POLR3A: variants seen among roughly 807,000 people sequenced by gnomAD.
POLR3A encodes DNA-directed RNA polymerase III subunit RPC1.
A neutral mutation model predicts 152.8 loss-of-function variants in POLR3A; 112 were observed. The ratio of observed to expected loss-of-function variants is 0.73; its 90% CI spans 0.63 to 0.86. POLR3A has a LOEUF of 0.86. POLR3A is among the 40% of genes least tolerant of loss of function. The pLI, the probability that POLR3A is intolerant of heterozygous loss-of-function variation, is 0.00. For missense variants in POLR3A, 1,385 were observed against 1,743.1 expected (o/e 0.79, Z 3.66); for synonymous variants, 615 against 652.1 (o/e 0.94, Z 0.87).
Position 77,975,537 on chromosome 10 carries a change from C to T in POLR3A, c.*1941G>A, listed in dbSNP as rs1440818146. Reference sequence around the variant, plus strand: ...CTCAAGTGCTATACGCTGATTCGCACCCATCACAATCACACACGTCTCACA... The same window carrying T: ...CTCAAGTGCTATACGCTGATTCGCATCCATCACAATCACACACGTCTCACA... On this transcript the variant is annotated 3_prime_UTR_variant, in exon 31 of 31. Transcript: ENST00000372371. 1 of 152,384 alleles carries T rather than the reference C, an allele frequency of 6.6e-6. No homozygotes were observed. Among genetic ancestry groups the T allele is most frequent in the Non-Finnish European group, 1.5e-5 (1 of 68,098 alleles). 9.4% of individuals were successfully genotyped at this position (152,384 alleles called of 1,614,324 possible). A position where few individuals can be genotyped will look rare whatever the true frequency, so the allele number is the denominator to read the frequency against.
rs767735811 is a variant in POLR3A, at chr10:77,977,530, T to C, written c.4121A>G (p.Lys1374Arg). ...ATTTGTGTCGAAGATCAGGGGCCTC[T>C]TGGGAGGGTTCGGGTCCCTGTCAGC... ...HKADRDPNPP[K>R]RPLIFDTNEF... The change falls in exon 31 of 31, where the codon AAG becomes AGG. Residue 1374 changes from lysine to arginine, a missense_variant. Around this residue, in one of 7 missense-constraint regions of POLR3A, gnomAD observed 332 missense variants for 400.1 expected, o/e 0.83. Coordinates refer to ENST00000372371, the MANE Select transcript of POLR3A (RefSeq NM_007055.4). 6.2e-7 allele frequency: 1 copy of C among 1,614,110 alleles called. No homozygotes were observed. Among genetic ancestry groups the C allele is most frequent in the South Asian group, 1.1e-5 (1 of 91,070 alleles).
At chr10:77,980,306 TCACA>T (rs781587324) in intron 29 of POLR3A, 33 bp from the exon 30 acceptor site, 2 of 1,611,570 alleles carry the variant, frequency 1.2e-6, no homozygotes, top group African/African-American at 1.3e-5. Context: ...ACGGTGGTAC[TCACA>T]CCAATGGCAA....
At chr10:78,000,150 CA>C (rs1341106684) in intron 18 of POLR3A, 32 bp from the exon 19 acceptor site, 1 of 1,611,184 alleles carries the variant, frequency 6.2e-7, no homozygotes, top group Non-Finnish European at 8.5e-7. Context: ...AAAAATCAAA[CA>C]AAAAAAGTTC....
intron 15 of POLR3A, among the ~76,000 whole-genome samples, chr10:78,005,474 T>C (rs1467025725): frequency 6.6e-6 from 1 of 152,162 alleles, no homozygotes; most frequent in Non-Finnish European, 1.5e-5. Flanking sequence ...TTCTCCAACT[T>C]TGATGGAACT....
intron 10 of POLR3A, among the ~76,000 whole-genome samples, chr10:78,015,920 C>A (rs1311636877): frequency 6.6e-6 from 1 of 152,174 alleles, no homozygotes. Context: ...CAATCATAAT[C>A]CCATAATCAC....
chr10:77,977,462 C>G lies in POLR3A; in HGVS notation c.*16G>C, dbSNP rs1186194596. 6.2e-7 allele frequency: 1 copy of G among 1,613,490 alleles called. No individual in the cohort carries two copies. Among genetic ancestry groups the G allele is most frequent in the South Asian group, 1.1e-5 (1 of 91,052 alleles). ...ACAAGGAGTCAAGGTCAGGCATGGT[C>G]CCCTCTTTCTTTGGACTATGTGACA... On this transcript the variant is annotated 3_prime_UTR_variant, in exon 31 of 31. Coordinates refer to ENST00000372371, the MANE Select transcript of POLR3A (RefSeq NM_007055.4).
intron 21 of POLR3A, 72 bp downstream of exon 21, chr10:77,990,982 C>G (rs776838753): frequency 3.5e-6 from 3 of 847,560 alleles, no homozygotes; most frequent in Non-Finnish European, 6.0e-6. Flanking sequence ...AATCCACTTG[C>G]CAGCCCTTGG....
rs765771574 is a variant in POLR3A at position 78,025,056 on chromosome 10, G to C, written c.405C>G (p.Thr135=). 1 of 1,614,158 alleles carries C rather than the reference G, an allele frequency of 6.2e-7. No homozygotes were observed. Among genetic ancestry groups the C allele is most frequent in the South Asian group, 1.1e-5 (1 of 91,082 alleles). ...TTTTCAGTCCTCGCTTCTGAAGGTAGGTCAGGCCGGGCCTCTTTAGATAGT... is the reference window on the plus strand; with the variant it reads ...TTTTCAGTCCTCGCTTCTGAAGGTACGTCAGGCCGGGCCTCTTTAGATAGT... ...FLDYLKRPGL[T]YLQKRGLKKK... Residue 135 remains threonine (T), a synonymous_variant, in exon 4 of 31, where the codon ACC becomes ACG. Transcript: ENST00000372371.
At chr10:78,023,248 G>T (rs1479409938) in intron 5 of POLR3A, among the ~76,000 whole-genome samples, 1 of 151,674 alleles carries the variant, frequency 6.6e-6, no homozygotes, top group Non-Finnish European at 1.5e-5. Context: ...GTCACCTGAG[G>T]TCAGGAGTTC....
At chr10:78,002,173 C>T (rs1328638809) in intron 17 of POLR3A, 24 bp downstream of exon 17, 37 of 1,439,434 alleles carry the variant, frequency 2.6e-5, no homozygotes, top group Non-Finnish European at 3.3e-5. Flanking sequence ...ACACTGCCAG[C>T]AGGTGAGAGA....
rs571199042 is a variant in POLR3A at position 77,980,389 on chromosome 10, G to A, written c.3892-116C>T. ...AAAATCCTCCAAGACCCAACGTCAG[G>A]TGTGAAAGGCCCTGAGGAGCTATGG... On this transcript the variant is annotated intron_variant, in intron 29 of 30. Coordinates refer to ENST00000372371, the MANE Select transcript of POLR3A (RefSeq NM_007055.4). The A allele has an allele frequency of 7.1e-5, 68 of 961,078 alleles. No homozygotes were observed. The South Asian group carries it at 9.0e-4, about 13-fold the overall frequency. 59.5% of individuals were successfully genotyped at this position (961,078 alleles called of 1,614,324 possible). A position where few individuals can be genotyped will look rare whatever the true frequency, so the allele number is the denominator to read the frequency against.
rs779435710 is a variant in POLR3A at position 78,000,141 on chromosome 10, A to G, written c.2479-23T>C. 4.3e-6 allele frequency: 7 copies of G among 1,613,036 alleles called. 1 individual carries two copies. In the South Asian group the frequency reaches 6.6e-5, roughly 15 times the overall value. ...GAGCTAAAGAGAGGTAGAAAAAAGA[A>G]AAATCAAACAAAAAAAGTTCAAGGC... is the stretch of plus-strand genomic sequence containing the variant. On this transcript the variant is annotated intron_variant, in intron 18 of 30. Transcript: ENST00000372371.
At chr10:78,018,218 C>T (rs1847544126) in intron 9 of POLR3A, among the ~76,000 whole-genome samples, 1 of 149,642 alleles carries the variant, frequency 6.7e-6, no homozygotes, top group Non-Finnish European at 1.5e-5. Context: ...AAGATATATC[C>T]AGTCGGATGT....
At chr10:77,984,353 G>T (rs1847177550) in intron 24 of POLR3A, 55 bp from the exon 25 acceptor site, 1 of 1,013,426 alleles carries the variant, frequency 9.9e-7, no homozygotes, top group Middle Eastern at 2.0e-4. Flanking sequence ...GCTGTTTGAG[G>T]ACTACTGCTT....
At chr10:78,013,448 A>G (rs1564621047) in intron 11 of POLR3A, 2 of 616,558 alleles carry the variant, frequency 3.2e-6, no homozygotes, top group Non-Finnish European at 5.7e-6. Flanking sequence ...TCATGTATAT[A>G]CTATAATTTC....
At chr10:78,020,864 G>T (rs1847572840) in intron 8 of POLR3A, among the ~76,000 whole-genome samples, 1 of 152,182 alleles carries the variant, frequency 6.6e-6, no homozygotes, top group East Asian at 1.9e-4. Context: ...TTGACTCAGT[G>T]ACTGTAAAGT....
At chr10:78,022,509 T>A in intron 5 of POLR3A, 125 bp from the exon 6 acceptor site, 1 of 1,006,414 alleles carries the variant, frequency 9.9e-7, no homozygotes, top group Non-Finnish European at 1.5e-6. Flanking sequence ...CAGAGATTTC[T>A]ATGGATGATA....
intron 25 of POLR3A, 24 bp from the exon 26 acceptor site, chr10:77,984,036 GT>G (rs1167278469): frequency 6.6e-7 from 1 of 1,519,484 alleles, no homozygotes; most frequent in Non-Finnish European, 9.1e-7. Flanking sequence ...AGATCAGACT[GT>G]TAATCAGCCG....
At chr10:78,018,786 A>T (rs1290348765) in intron 9 of POLR3A, among the ~76,000 whole-genome samples, 1 of 152,076 alleles carries the variant, frequency 6.6e-6, no homozygotes, top group Non-Finnish European at 1.5e-5. Flanking sequence ...TTTCTTTGCC[A>T]TATTGGCCAG....
Sources: gnomAD v4.1 joint callset for allele counts (sites outside exome capture counted in the v4.1 genomes callset) on GRCh38, gnomAD v4.1.1 for gene constraint, gnomAD v4.1.1 regional missense constraint, MANE v1.5 for transcripts, NCBI Gene and HGNC (gene_info 2026-07-23, HGNC 2026-07-21) for gene names.